Variants in PRKAR2A observed in about 807,000 individuals in gnomAD.
The protein encoded by PRKAR2A is protein kinase cAMP-dependent type II regulatory subunit alpha.
A neutral mutation model predicts 51.9 loss-of-function variants in PRKAR2A; 29 were observed. The ratio of observed to expected loss-of-function variants is 0.56; its 90% CI spans 0.42 to 0.76. The LOEUF (loss-of-function observed/expected upper bound fraction) is 0.76, where lower values mean the gene tolerates loss of function less well. Ranked by LOEUF, PRKAR2A falls within the 30% of genes least tolerant of loss-of-function variation. The pLI is 0.00. For missense variants in PRKAR2A, 445 were observed against 512.1 expected (o/e 0.87, Z 1.26); for synonymous variants, 178 against 186.2 (o/e 0.96, Z 0.36).
intron 2 of PRKAR2A, among the ~76,000 whole-genome samples, chr3:48,798,649 A>T (rs2082536168): frequency 6.6e-6 from 1 of 150,812 alleles, no homozygotes; most frequent in Non-Finnish European, 1.5e-5. Context: ...TTGTGCATGA[A>T]ATCTTCCTTT....
chr3:48,758,880 G>C (rs1321398292), intron 8 of PRKAR2A, among the ~76,000 whole-genome samples: 3 of 152,168 alleles, frequency 2.0e-5, no homozygotes, highest in Admixed American at 6.5e-5. Context: ...TTCCCTAGCA[G>C]GTAGCGTGAG....
At chr3:48,846,085 A>G (rs2107477385) in intron 1 of PRKAR2A, among the ~76,000 whole-genome samples, 1 of 152,268 alleles carries the variant, frequency 6.6e-6, no homozygotes, top group Non-Finnish European at 1.5e-5. Flanking sequence ...TACTATTACT[A>G]AATGATAAAT....
intron 2 of PRKAR2A, among the ~76,000 whole-genome samples, chr3:48,802,853 T>C (rs1333358614): frequency 6.6e-6 from 1 of 152,234 alleles, no homozygotes. Flanking sequence ...ATATGTTTCT[T>C]TGCTGAAAGA....
At chr3:48,798,559 AC>A (rs1269130456) in intron 2 of PRKAR2A, among the ~76,000 whole-genome samples, 44 of 152,032 alleles carry the variant, frequency 2.9e-4, no homozygotes, top group Non-Finnish European at 2.8e-4. Context: ...CAAAACAACT[AC>A]TTAGAATAAT....
intron 1 of PRKAR2A, among the ~76,000 whole-genome samples, chr3:48,814,006 T>G (rs1345436500): frequency 6.6e-6 from 1 of 151,908 alleles, no homozygotes; most frequent in African/African-American, 2.4e-5. Context: ...TCCCAGCACT[T>G]TAAGAGGCCG....
chr3:48,819,462 T>C (rs940445235), intron 1 of PRKAR2A, among the ~76,000 whole-genome samples: 10 of 152,214 alleles, frequency 6.6e-5, no homozygotes, highest in Non-Finnish European at 8.8e-5. Context: ...ACTCAGAGAA[T>C]TGTACCCAAG....
intron 4 of PRKAR2A, among the ~76,000 whole-genome samples, chr3:48,789,103 A>G (rs1482577954): frequency 6.6e-6 from 1 of 152,190 alleles, no homozygotes; most frequent in African/African-American, 2.4e-5. Flanking sequence ...GGATAAATTC[A>G]GACCCTCCTA....
chr3:48,793,495 C>T (rs1196824928), intron 3 of PRKAR2A, among the ~76,000 whole-genome samples: 1 of 152,120 alleles, frequency 6.6e-6, no homozygotes, highest in African/African-American at 2.4e-5. Flanking sequence ...CTAGTCTCAA[C>T]TCCTGGGGTT....
intron 1 of PRKAR2A, among the ~76,000 whole-genome samples, chr3:48,825,369 T>C (rs1350704999): frequency 6.6e-6 from 1 of 152,308 alleles, no homozygotes; most frequent in East Asian, 1.9e-4. Context: ...GCAGTGGCTA[T>C]TCACAGACAC....
chr3:48,846,374 G>A (rs550351723), intron 1 of PRKAR2A, among the ~76,000 whole-genome samples: 31 of 151,970 alleles, frequency 2.0e-4, no homozygotes, highest in Non-Finnish European at 3.2e-4. Context: ...CCGCCACCAC[G>A]CCCGGCTAAT....
intron 1 of PRKAR2A, among the ~76,000 whole-genome samples, chr3:48,816,701 T>C (rs1274129566): frequency 2.6e-5 from 4 of 152,180 alleles, no homozygotes; most frequent in African/African-American, 4.8e-5. Context: ...AGCCTGCAGA[T>C]AGTCTCTCAA....
chr3:48,775,504 TA>T (rs768287836), intron 5 of PRKAR2A, among the ~76,000 whole-genome samples: 1,523 of 124,544 alleles, frequency 0.012, 15 homozygotes, highest in African/African-American at 0.029. Flanking sequence ...CAATAATGGC[TA>T]AAAAAAAAAA....
chr3:48,778,366 G>A (rs921816493), intron 5 of PRKAR2A, among the ~76,000 whole-genome samples: 1 of 152,004 alleles, frequency 6.6e-6, no homozygotes, highest in African/African-American at 2.4e-5. Flanking sequence ...TTGTCCCCCA[G>A]GCTGGAGTGC....
At position 48,797,706 on chromosome 3, in the gene PRKAR2A, G is replaced by A. The variant is rs117824072; in HGVS notation, c.299-3657C>T. Among the ~76,000 whole-genome samples the A allele has an allele frequency of 1.1e-4, 17 of 152,298 alleles. No homozygotes were observed. The East Asian group carries it at 2.3e-3, about 21-fold the overall frequency. On this transcript the variant is annotated intron_variant, in intron 2 of 10. Coordinates refer to ENST00000265563, the MANE Select transcript of PRKAR2A (RefSeq NM_004157.4). Reference sequence around the variant, plus strand: ...TAAGAGAAAAATTAGGGGGGATAGAGTTAAGAAAAGATACACCATTCTAGT... The same window carrying A: ...TAAGAGAAAAATTAGGGGGGATAGAATTAAGAAAAGATACACCATTCTAGT...
chr3:48,808,090 C>T (rs772163535), intron 1 of PRKAR2A, among the ~76,000 whole-genome samples: 14 of 149,268 alleles, frequency 9.4e-5, no homozygotes, highest in Non-Finnish European at 1.6e-4. Context: ...CTCTGTAGCC[C>T]AGGCTGGAAT....
At chr3:48,770,868 G>A (rs1267358103) in intron 6 of PRKAR2A, among the ~76,000 whole-genome samples, 1 of 152,098 alleles carries the variant, frequency 6.6e-6, no homozygotes, top group Non-Finnish European at 1.5e-5. Flanking sequence ...CAAAGCAGGT[G>A]GTTTTACAGC....
rs1213662773 is a variant in PRKAR2A at position 48,756,360 on chromosome 3, T to A, written c.939+19A>T. ...TACTTTTTGTGTGTACACCATCACA[T>A]ATAAACTGATAAACTCACCCTGCTT... is the stretch of plus-strand genomic sequence containing the variant. On this transcript the variant is annotated intron_variant, in intron 9 of 10. Transcript: ENST00000265563. 3.1e-6 allele frequency: 5 copies of A among 1,601,310 alleles called. No homozygotes were observed. Among genetic ancestry groups the A allele is most frequent in the African/African-American group, 2.7e-5 (2 of 74,672 alleles).
intron 1 of PRKAR2A, among the ~76,000 whole-genome samples, chr3:48,808,251 T>C (rs1340229518): frequency 6.6e-6 from 1 of 150,680 alleles, no homozygotes; most frequent in African/African-American, 2.4e-5. Context: ...TTTTTGTTTT[T>C]GTTTTGTTTT....
rs1198962303 is a variant in PRKAR2A, at chr3:48,785,258, AT to A, written c.436-2167del. 5.7e-3 allele frequency among the ~76,000 whole-genome samples: 704 copies of A among 123,878 alleles called. 4 individuals are homozygous for A. Among genetic ancestry groups the A allele is most frequent in the Middle Eastern group, 0.012 (3 of 242 alleles). The allele number at this position is 123,878 out of a possible 152,430, so 81.3% of individuals were successfully genotyped here. A position where few individuals can be genotyped will look rare whatever the true frequency, so the allele number is the denominator to read the frequency against. ...AGGCGCATGCCACCAGGCCTGGATAATTTTTTTTTTTTTTTTTTTTGAGACA... is the reference window on the plus strand; with the variant it reads ...AGGCGCATGCCACCAGGCCTGGATAATTTTTTTTTTTTTTTTTTTGAGACA... On this transcript the variant is annotated intron_variant, in intron 4 of 10. Coordinates refer to ENST00000265563, the MANE Select transcript of PRKAR2A (RefSeq NM_004157.4).
Sources: gnomAD v4.1 joint callset for allele counts (sites outside exome capture counted in the v4.1 genomes callset) on GRCh38, gnomAD v4.1.1 for gene constraint, MANE v1.5 for transcripts, NCBI Gene and HGNC (gene_info 2026-07-23, HGNC 2026-07-21) for gene names.